Variants in DOCK5 observed in about 807,000 individuals in gnomAD.
DOCK5 encodes dedicator of cytokinesis 5.
Under a neutral mutation model 251.8 loss-of-function variants are expected in DOCK5, and 142 were observed. The observed-to-expected ratio is 0.56, with a 90% CI of 0.49 to 0.65. The LOEUF (loss-of-function observed/expected upper bound fraction) is 0.65, where lower values mean the gene tolerates loss of function less well. DOCK5 is among the 30% of genes least tolerant of loss of function. The pLI is 0.00. For synonymous variants in DOCK5, 842 were observed against 835.5 expected (o/e 1.01, Z -0.13); for missense variants, 2,111 against 2,312.3 (o/e 0.91, Z 1.79).
At chr8:25,197,734 C>T in intron 1 of DOCK5, among the ~76,000 whole-genome samples, 1 of 143,876 alleles carries the variant, frequency 7.0e-6, no homozygotes. Context: ...CAGGTACATG[C>T]AACCATGCCA....
At position 25,302,319 on chromosome 8, in the gene DOCK5, C is replaced by G; in HGVS notation, c.847-6C>G. 6.2e-7 allele frequency: 1 copy of G among 1,604,154 alleles called. No individual in the cohort carries two copies. The highest frequency in any genetic ancestry group is 1.1e-5 in the South Asian group (1 of 89,910). On this transcript the variant is annotated splice_region_variant and splice_polypyrimidine_tract_variant and intron_variant, in intron 9 of 51. Transcript: ENST00000276440. ...ACCTCCTCTCACACTTTCTCTGCCC[C>G]TTTAGGACCTTAGCAGCATGGACCT...
At chr8:25,282,046 C>T (rs959969249) in intron 5 of DOCK5, among the ~76,000 whole-genome samples, 2 of 152,146 alleles carry the variant, frequency 1.3e-5, no homozygotes, top group African/African-American at 4.8e-5. Flanking sequence ...TGTAGAAATT[C>T]TCAGTCAGTC....
Position 25,240,899 on chromosome 8 carries a change from G to A in DOCK5, c.44-2775G>A, listed in dbSNP as rs539969990. Among the ~76,000 whole-genome samples, 8 of 152,244 alleles carry A rather than the reference G, an allele frequency of 5.3e-5. No individual in the cohort carries two copies. The South Asian group carries it at 1.7e-3, about 32-fold the overall frequency. ...TGCTCCCTCCGGAGGCCCTCGGGGA[G>A]GTTCTGTTCCTTGCTTCTTCCAGCT... On this transcript the variant is annotated intron_variant, in intron 1 of 51. Transcript: ENST00000276440.
chr8:25,317,325 A>T, intron 14 of DOCK5, 194 bp downstream of exon 14: 1 of 611,590 alleles, frequency 1.6e-6, no homozygotes, highest in Non-Finnish European at 2.6e-6. Context: ...ACTCTTCTAG[A>T]CTCTTATTTT....
intron 1 of DOCK5, among the ~76,000 whole-genome samples, chr8:25,221,087 A>G (rs1802374086): frequency 6.6e-6 from 1 of 151,912 alleles, no homozygotes; most frequent in South Asian, 2.1e-4. Context: ...AGCTACCTAT[A>G]TCACTTTATT....
chr8:25,253,591 A>G (rs1586267653), intron 2 of DOCK5, among the ~76,000 whole-genome samples: 2 of 152,198 alleles, frequency 1.3e-5, no homozygotes, highest in Non-Finnish European at 2.9e-5. Flanking sequence ...GTAAGGAGAA[A>G]GCCTTAGAGG....
chr8:25,328,403 C>T (rs1287610757), intron 18 of DOCK5, among the ~76,000 whole-genome samples: 1 of 152,098 alleles, frequency 6.6e-6, no homozygotes, highest in South Asian at 2.1e-4. Flanking sequence ...TCACGAGCAT[C>T]AGGGAAAATG....
chr8:25,249,303 G>C (rs567826581), intron 2 of DOCK5, among the ~76,000 whole-genome samples: 42 of 152,238 alleles, frequency 2.8e-4, no homozygotes, highest in Admixed American at 6.5e-4. Flanking sequence ...GCCTGGCCTT[G>C]TGGGTTTTTT....
chr8:25,376,300 C>T lies in DOCK5; in HGVS notation c.3817-1005C>T, dbSNP rs547273031. ...GGTATGAATGCAGCTTTTTTTCCCC[C>T]CAGATTGCTATTCAATAGAGATGCT... On this transcript the variant is annotated intron_variant, in intron 37 of 51. Transcript: ENST00000276440. 5.5e-4 allele frequency: 546 copies of T among 985,258 alleles called. 2 individuals carry two copies. The highest frequency in any genetic ancestry group is 6.2e-4 in the Non-Finnish European group (517 of 829,896). 61.0% of individuals were successfully genotyped at this position (985,258 alleles called of 1,614,324 possible).
Position 25,290,583 on chromosome 8 carries a change from T to A in DOCK5, c.322-1441T>A, listed in dbSNP as rs868502452. Among the ~76,000 whole-genome samples the A allele has an allele frequency of 2.0e-5, 3 of 152,172 alleles. No homozygotes were observed. In the South Asian group the frequency reaches 6.2e-4, roughly 32 times the overall value. ...GTGGATGGTCTAACAATTGGGGAAA[T>A]GGGGACTTTAAAATAATATTTAAAA... On this transcript the variant is annotated intron_variant, in intron 5 of 51. Coordinates refer to ENST00000276440, the MANE Select transcript of DOCK5 (RefSeq NM_024940.8).
Position 25,392,860 on chromosome 8 carries a change from T to G in DOCK5, c.4505T>G (p.Phe1502Cys), listed in dbSNP as rs1801284831. The G allele has an allele frequency of 3.1e-6, 5 of 1,612,546 alleles. No individual in the cohort carries two copies. Among genetic ancestry groups the G allele is most frequent in the East Asian group, 2.2e-5 (1 of 44,862 alleles). The change falls in exon 44 of 52, where the codon TTT becomes TGT. Residue 1502 changes from phenylalanine (F) to cysteine (C), a missense_variant. Coordinates refer to ENST00000276440, the MANE Select transcript of DOCK5 (RefSeq NM_024940.8). ...AYTFPGILKW[F>C]EVKQISTEEI... ...ACCTTTCCTGGGATTCTCAAGTGGTTTGAAGTCAAACAGATTTCAACAGTG... is the reference window on the plus strand; with the variant it reads ...ACCTTTCCTGGGATTCTCAAGTGGTGTGAAGTCAAACAGATTTCAACAGTG...
chr8:25,373,228 G>T (rs371732967), intron 35 of DOCK5, among the ~76,000 whole-genome samples: 20 of 152,106 alleles, frequency 1.3e-4, no homozygotes, highest in African/African-American at 4.6e-4. Context: ...TCGATCTCCT[G>T]ACCTCATGAT....
chr8:25,227,635 C>T (rs551287653), intron 1 of DOCK5, among the ~76,000 whole-genome samples: 61 of 151,954 alleles, frequency 4.0e-4, no homozygotes, highest in Non-Finnish European at 6.9e-4. Flanking sequence ...CTTCTTATGA[C>T]GTTTTAAACC....
chr8:25,254,507 G>GGCTC (rs1803359377), intron 2 of DOCK5, among the ~76,000 whole-genome samples: 1 of 152,022 alleles, frequency 6.6e-6, no homozygotes, highest in African/African-American at 2.4e-5. Flanking sequence ...TGGGCCCAGT[G>GGCTC]GCTCACACCT....
At chr8:25,387,841 G>C (rs1200953239) in intron 40 of DOCK5, among the ~76,000 whole-genome samples, 1 of 152,082 alleles carries the variant, frequency 6.6e-6, no homozygotes, top group Non-Finnish European at 1.5e-5. Flanking sequence ...CCCATGTCTT[G>C]CTTGAAGCCT....
At position 25,261,744 on chromosome 8, in the gene DOCK5, C is replaced by T. The variant is rs376289989; in HGVS notation, c.128-7101C>T. ...CACATTTCCCTTACCCCAGAAAATTCCGCGGTATCTTTATCCACACAGTTC... is the reference window on the plus strand; with the variant it reads ...CACATTTCCCTTACCCCAGAAAATTTCGCGGTATCTTTATCCACACAGTTC... On this transcript the variant is annotated intron_variant, in intron 2 of 51. Coordinates refer to ENST00000276440, the MANE Select transcript of DOCK5 (RefSeq NM_024940.8). Among the ~76,000 whole-genome samples the T allele has an allele frequency of 9.9e-5, 15 of 152,248 alleles. No homozygotes were observed. In the East Asian group the frequency reaches 2.7e-3, roughly 28 times the overall value.
rs1197397447 is a variant in DOCK5, at chr8:25,410,197, A to C, written c.5503A>C (p.Thr1835Pro). The C allele has an allele frequency of 4.3e-6, 7 of 1,613,130 alleles. 1 individual carries two copies. The African/African-American group carries it at 5.3e-5, about 12-fold the overall frequency. The change falls in exon 51 of 52, where the codon ACT (threonine) becomes CCT (proline). Residue 1835 changes from threonine (T) to proline (P), a missense_variant. Physicochemically the swap from Thr to Pro is conservative, Grantham distance 38. Coordinates refer to ENST00000276440, the MANE Select transcript of DOCK5 (RefSeq NM_024940.8). ...CTATGAAGGCAGCCAGAGGAACTCCACTGAGGTAGGGAAATCACAGCTGGC... is the reference window on the plus strand; with the variant it reads ...CTATGAAGGCAGCCAGAGGAACTCCCCTGAGGTAGGGAAATCACAGCTGGC... ...KPYEGSQRNSTELAPPLPVRR... is the reference protein window; with the variant it reads ...KPYEGSQRNSPELAPPLPVRR...
chr8:25,371,261 A>G (rs1004996534), intron 34 of DOCK5, among the ~76,000 whole-genome samples: 4 of 152,144 alleles, frequency 2.6e-5, no homozygotes, highest in African/African-American at 9.7e-5. Flanking sequence ...GATGTTGGCC[A>G]GGGTGGTCTC....
chr8:25,366,757 G>A (rs574390902), intron 30 of DOCK5, 113 bp from the exon 31 acceptor site: 8 of 699,292 alleles, frequency 1.1e-5, no homozygotes, highest in Non-Finnish European at 1.6e-5. Flanking sequence ...ATTGTATTTT[G>A]TTCTTTCATT....
Sources: allele counts gnomAD v4.1 joint callset (sites outside exome capture counted in the v4.1 genomes callset), GRCh38; gene constraint gnomAD v4.1.1; transcripts MANE v1.5; gene names NCBI Gene and HGNC (gene_info 2026-07-23, HGNC 2026-07-21).